The following BMPER variants were observed in gnomAD, a reference collection of about 807,000 sequenced individuals.
BMPER encodes BMP binding endothelial regulator.
In BMPER, 45 loss-of-function variants were observed where a neutral mutation model predicts 87.3. The observed-to-expected ratio is 0.52, with a 90% confidence interval of 0.41 to 0.66. BMPER has a LOEUF of 0.66. BMPER is among the 30% of genes least tolerant of loss of function. BMPER has a pLI of 0.00. For missense variants in BMPER, 784 were observed against 867.5 expected, an observed-to-expected ratio of 0.90 and a Z score of 1.21; for synonymous variants, 326 against 316.2, an observed-to-expected ratio of 1.03 and a Z score of -0.33.
At chr7:34,143,800 G>A (rs1032525952) in intron 14 of BMPER, among the ~76,000 whole-genome samples, 4 of 152,090 alleles carry the variant, frequency 2.6e-5, no homozygotes, top group African/African-American at 9.7e-5. Context: ...TCCCCTCTGA[G>A]AGATTTCTAT....
intron 6 of BMPER, among the ~76,000 whole-genome samples, chr7:34,015,303 A>C (rs1391497707): frequency 1.3e-5 from 2 of 151,962 alleles, no homozygotes; most frequent in African/African-American, 4.8e-5. Context: ...ATAGAACAAT[A>C]ATAATAATAC....
In BMPER at chr7:34,079,067, T is replaced by G. The variant is rs1216089313; in HGVS notation, c.1289T>G (p.Val430Gly). The G allele has an allele frequency of 6.2e-7, 1 of 1,613,928 alleles. No individual in the cohort carries two copies. The highest frequency in any genetic ancestry group is 1.3e-5 in the African/African-American group (1 of 74,882). ...SVELVLGESRVSLQQHLTVRW... is the reference protein window; with the variant it reads ...SVELVLGESRGSLQQHLTVRW... ...GAGCTGGTGCTGGGCGAGAGCAGGG[T>G]CAGCCTGCAGCAGCACCTCACCGTG... Residue 430 changes from valine (V) to glycine (G), a missense_variant, in exon 12 of 15, where the codon GTC becomes GGC. By Grantham distance (109) the Val-to-Gly change is moderately radical (BLOSUM62 -3). Coordinates refer to ENST00000649409, the MANE Select transcript of BMPER (RefSeq NM_001365308.1).
chr7:33,968,683 C>G (rs573928036), intron 4 of BMPER, among the ~76,000 whole-genome samples: 1 of 152,324 alleles, frequency 6.6e-6, no homozygotes, highest in Non-Finnish European at 1.5e-5. Flanking sequence ...CCTGCATGGA[C>G]TGGGTACAAC....
chr7:34,099,913 G>GT (rs1789633670), intron 13 of BMPER, among the ~76,000 whole-genome samples: 4 of 149,878 alleles, frequency 2.7e-5, no homozygotes, highest in South Asian at 2.1e-4. Context: ...TTCATTGTTT[G>GT]TTTTTTTGAG....
At chr7:34,045,381 G>A (rs1026405883) in intron 6 of BMPER, among the ~76,000 whole-genome samples, 4 of 152,178 alleles carry the variant, frequency 2.6e-5, no homozygotes, top group African/African-American at 9.7e-5. Context: ...GGCTGGGGAA[G>A]CAGGCACCTC....
intron 3 of BMPER, among the ~76,000 whole-genome samples, chr7:33,963,789 G>C (rs1034940137): frequency 6.6e-6 from 1 of 151,984 alleles, no homozygotes; most frequent in Non-Finnish European, 1.5e-5. Flanking sequence ...GCAAAACTCC[G>C]TCTCAAAACA....
intron 6 of BMPER, among the ~76,000 whole-genome samples, chr7:33,997,021 G>A (rs1786432733): frequency 6.6e-6 from 1 of 152,100 alleles, no homozygotes; most frequent in East Asian, 1.9e-4. Flanking sequence ...TAAGGAAGGA[G>A]CAGGTCTTAT....
Position 33,966,473 on chromosome 7 carries a change from G to C in BMPER, c.320-6G>C, listed in dbSNP as rs370646088. On this transcript the variant is annotated splice_polypyrimidine_tract_variant and splice_region_variant and intron_variant, in intron 3 of 14. Transcript: ENST00000649409. ...CTTTCTTCCTGCTTCTGTGTCTCCT[G>C]TCTAGGTTGCACCTATGAAGGAAAT... is the stretch of plus-strand genomic sequence containing the variant. 7.4e-6 allele frequency: 12 copies of C among 1,612,524 alleles called. No individual in the cohort carries two copies. Among genetic ancestry groups the C allele is most frequent in the Admixed American group, 1.7e-5 (1 of 59,980 alleles).
At chr7:34,084,256 G>A (rs1258984602) in intron 12 of BMPER, among the ~76,000 whole-genome samples, 3 of 152,286 alleles carry the variant, frequency 2.0e-5, no homozygotes, top group African/African-American at 4.8e-5. Context: ...AGCTGAGATC[G>A]CACCACTGCA....
upstream of BMPER, chr7:33,905,415 G>A (rs1192971667): frequency 1.7e-5 from 3 of 178,638 alleles, no homozygotes; most frequent in African/African-American, 3.3e-5. Context: ...CCTCCTCCCC[G>A]GGCGCCCCCA....
chr7:33,906,862 C>G lies in BMPER; in HGVS notation c.178C>G (p.Pro60Ala). ...CENEGEVLQI[P>A]FITDNPCIMC... ...AAATGAAGGTGAAGTCCTCCAGATTCCATTTATCACAGACAACCCTTGCAT... is the reference window on the plus strand; with the variant it reads ...AAATGAAGGTGAAGTCCTCCAGATTGCATTTATCACAGACAACCCTTGCAT... The change falls in exon 2 of 15, where the codon CCA becomes GCA. Residue 60 changes from proline to alanine, a missense_variant. Physicochemically the swap from Pro to Ala is conservative, Grantham distance 27 (BLOSUM62 -1). Transcript: ENST00000649409. 6.2e-7 allele frequency: 1 copy of G among 1,613,876 alleles called. No homozygotes were observed. The highest frequency in any genetic ancestry group is 8.5e-7 in the Non-Finnish European group (1 of 1,179,892).
intron 11 of BMPER, 71 bp downstream of exon 11, chr7:34,062,118 G>T: frequency 7.3e-7 from 1 of 1,367,656 alleles, no homozygotes; most frequent in South Asian, 1.2e-5. Flanking sequence ...AGAAAAATAG[G>T]GGTGTATGTT....
In BMPER at chr7:34,031,917, TATATATATATACACACACACACACAC is replaced by T. The variant is rs1351802125; in HGVS notation, c.577-14379_577-14354del. On this transcript the variant is annotated intron_variant, in intron 6 of 14. Coordinates refer to ENST00000649409, the MANE Select transcript of BMPER (RefSeq NM_001365308.1). ...ATATATATATATATATATATATATA[TATATATATATACACACACACACACAC>T]ATATATATACACACACACATATATA... Among the ~76,000 whole-genome samples, 23 of 124,188 alleles carry T rather than the reference TATATATATATACACACACACACACAC, an allele frequency of 1.9e-4. No homozygotes were observed. The Admixed American group carries it at 1.9e-3, about 10-fold the overall frequency. 81.5% of individuals were successfully genotyped at this position (124,188 alleles called of 152,430 possible).
chr7:34,089,128 A>G (rs888820525), intron 13 of BMPER, among the ~76,000 whole-genome samples: 6 of 152,170 alleles, frequency 3.9e-5, no homozygotes, highest in East Asian at 1.9e-4. Context: ...GTATAGTCAG[A>G]TCTGTGGCTG....
chr7:34,141,968 C>T (rs947758435), intron 13 of BMPER, among the ~76,000 whole-genome samples: 1 of 152,180 alleles, frequency 6.6e-6, no homozygotes, highest in Admixed American at 6.5e-5. Context: ...ACAGGTCCCA[C>T]ACCATGGGAA....
chr7:34,009,527 T>A (rs747148010), intron 6 of BMPER, among the ~76,000 whole-genome samples: 2 of 151,912 alleles, frequency 1.3e-5, no homozygotes, highest in Non-Finnish European at 2.9e-5. Flanking sequence ...GTAGCAGACT[T>A]AGCTGTTGGG....
chr7:34,052,754 A>G (rs1285128580), intron 8 of BMPER, among the ~76,000 whole-genome samples: 1 of 152,004 alleles, frequency 6.6e-6, no homozygotes, highest in Non-Finnish European at 1.5e-5. Flanking sequence ...CTATGAGTCA[A>G]TAGCTGGGAT....
intron 2 of BMPER, among the ~76,000 whole-genome samples, chr7:33,915,028 G>A (rs745340319): frequency 3.9e-5 from 6 of 152,186 alleles, no homozygotes; most frequent in Non-Finnish European, 7.3e-5. Context: ...AGATTCAGTG[G>A]ATCCCCAGTT....
chr7:33,960,799 T>C (rs1785251077), intron 3 of BMPER, among the ~76,000 whole-genome samples: 1 of 152,190 alleles, frequency 6.6e-6, no homozygotes. Context: ...TATATTCTAT[T>C]TTTGTAGTTT....
Sources: gnomAD v4.1 joint callset for allele counts (sites outside exome capture counted in the v4.1 genomes callset) on GRCh38, gnomAD v4.1.1 for gene constraint, MANE v1.5 for transcripts, NCBI Gene and HGNC (gene_info 2026-07-23, HGNC 2026-07-21) for gene names.